FAM181A: variants seen among roughly 807,000 people sequenced by gnomAD.
FAM181A encodes protein FAM181A.
FAM181A carries 7 observed loss-of-function variants against 16.3 expected under a neutral mutation model. That is an observed-to-expected ratio of 0.43 (90% CI 0.24 to 0.81). FAM181A has a LOEUF of 0.81. Among genes scored for constraint, FAM181A ranks in the 30% least tolerant of loss-of-function variants. FAM181A has a pLI of 0.24. For missense variants in FAM181A, 349 were observed against 377.5 expected (o/e 0.92, Z 0.63); for synonymous variants, 183 against 164.9 (o/e 1.11, Z -0.84).
upstream of FAM181A, among the ~76,000 whole-genome samples, chr14:93,925,852 G>A (rs1210650771): frequency 6.6e-6 from 1 of 152,076 alleles, no homozygotes; most frequent in Non-Finnish European, 1.5e-5. Flanking sequence ...TTGCCTGTAA[G>A]GACCCTCAGG....
At chr14:93,925,494 C>T (rs1887869996), upstream of FAM181A, 3 of 790,834 alleles carry the variant, frequency 3.8e-6, no homozygotes, top group Admixed American at 2.9e-5. Flanking sequence ...GCGCTCTCTT[C>T]AGCCACGCGT....
intron 1 of FAM181A, among the ~76,000 whole-genome samples, chr14:93,920,961 A>T (rs1005711182): frequency 2.6e-5 from 4 of 152,192 alleles, no homozygotes; most frequent in Non-Finnish European, 4.4e-5. Flanking sequence ...AGGGGAGTGT[A>T]AGTGGGCTTA....
At chr14:93,927,615 T>G in intron 1 of FAM181A, 161 bp downstream of exon 1, 1 of 1,286,124 alleles carries the variant, frequency 7.8e-7, no homozygotes, top group Non-Finnish European at 1.0e-6. Context: ...CAGCCTGAGA[T>G]CAGCCCGCAA....
rs574705245 is a variant in FAM181A at position 93,928,996 on chromosome 14, C to T, written c.711C>T (p.Pro237=). Residue 237 remains proline, a synonymous_variant, in exon 2 of 2, where the codon CCC becomes CCT. Transcript: ENST00000556222. ...GGGCACTGCCTCAGAGTCCTGTCCC[C>T]AGCCTGGGCCTTTGGAGGAAGAGCC... is the stretch of plus-strand genomic sequence containing the variant. The part of the protein sequence containing the change: ...PLGALPQSPV[P]SLGLWRKSPA... 17 of 1,610,924 alleles carry T rather than the reference C, an allele frequency of 1.1e-5. No individual in the cohort carries two copies. In the African/African-American group the frequency reaches 1.5e-4, roughly 14 times the overall value.
In FAM181A at chr14:93,929,217, C is replaced by T. The variant is rs920900696; in HGVS notation, c.*53C>T. 4.0e-6 allele frequency: 6 copies of T among 1,497,578 alleles called. No homozygotes were observed. In the Admixed American group the frequency reaches 1.4e-4, roughly 34 times the overall value. 92.8% of individuals were successfully genotyped at this position (1,497,578 alleles called of 1,614,324 possible). A position where few individuals can be genotyped will look rare whatever the true frequency, so the allele number is the denominator to read the frequency against. On this transcript the variant is annotated 3_prime_UTR_variant, in exon 2 of 2. Transcript: ENST00000556222. ...CTCTGGCCTGCAGGAGTGTCGAGGT[C>T]CCCGAGGCGCTCTCCTGTGAGGAGG...
upstream of FAM181A, among the ~76,000 whole-genome samples, chr14:93,926,735 C>T (rs573410513): frequency 2.0e-5 from 3 of 152,094 alleles, no homozygotes; most frequent in African/African-American, 4.8e-5. This position sits in a 1 kb window ranked among gnomAD's most constrained non-coding sequence, Gnocchi z 5.2. Context: ...CAGGCATCAG[C>T]GCACCTCCTG....
chr14:93,927,500 G>T, intron 1 of FAM181A, 46 bp downstream of exon 1: 1 of 1,271,886 alleles, frequency 7.9e-7, no homozygotes, highest in Non-Finnish European at 1.0e-6. Flanking sequence ...GGTGGCGGGT[G>T]TGGGGGCAGG....
upstream of FAM181A, chr14:93,925,184 G>T: frequency 8.4e-7 from 1 of 1,192,762 alleles, no homozygotes; most frequent in South Asian, 1.3e-5. Context: ...TTCATGAGCG[G>T]GCAGTGCAGA....
At chr14:93,925,449 C>A, upstream of FAM181A, 2 of 1,379,866 alleles carry the variant, frequency 1.4e-6, no homozygotes, top group Non-Finnish European at 2.0e-6. Flanking sequence ...CAGTAGGCAG[C>A]AGGGAGCTGG....
rs1261070235 is a variant in FAM181A at position 93,928,854 on chromosome 14, C to T, written c.569C>T (p.Ala190Val). 5 of 1,614,068 alleles carry T rather than the reference C, an allele frequency of 3.1e-6. No homozygotes were observed. Among genetic ancestry groups the T allele is most frequent in the East Asian group, 4.5e-5 (2 of 44,870 alleles). The stretch of plus-strand genomic sequence containing the variant: ...ACCCTGGTGTCCATGTCTCCAAGGG[C>T]CCTGGCTGAAAAGGAGCCGCTCAAG... ...ETTLVSMSPR[A>V]LAEKEPLKMP... is the part of the protein sequence containing the mutation. Residue 190 changes from alanine (A) to valine (V), a missense_variant, in exon 2 of 2, where the codon GCC becomes GTC. Transcript: ENST00000556222.
upstream of FAM181A, chr14:93,926,974 G>C (rs981075072): frequency 2.0e-5 from 3 of 152,432 alleles, no homozygotes; most frequent in African/African-American, 7.3e-5. This position sits in a 1 kb window ranked among gnomAD's most constrained non-coding sequence, Gnocchi z 5.2. Flanking sequence ...GTCTTTGGGG[G>C]AGGTTTGCAA....
At chr14:93,925,755 G>A (rs188772949), upstream of FAM181A, among the ~76,000 whole-genome samples, 40 of 152,046 alleles carry the variant, frequency 2.6e-4, no homozygotes, top group African/African-American at 9.4e-4. Context: ...AGCAGGGTAG[G>A]GGCATGGAGA....
upstream of FAM181A, among the ~76,000 whole-genome samples, chr14:93,922,845 T>G (rs1887775713): frequency 6.6e-6 from 1 of 152,192 alleles, no homozygotes; most frequent in Non-Finnish European, 1.5e-5. Flanking sequence ...GATTTCAAAG[T>G]TTTATATCAT....
chr14:93,926,057 G>T (rs1163716382), upstream of FAM181A, among the ~76,000 whole-genome samples: 5 of 152,244 alleles, frequency 3.3e-5, no homozygotes, highest in East Asian at 9.7e-4. This position sits in a 1 kb window ranked among gnomAD's most constrained non-coding sequence, Gnocchi z 5.2. Context: ...AGAGGTGTGG[G>T]TTGGCGCACA....
rs1021518735 is a variant in FAM181A at position 93,929,392 on chromosome 14, A to G, written c.*228A>G. The G allele has an allele frequency of 1.2e-5, 6 of 505,494 alleles. No homozygotes were observed. Among genetic ancestry groups the G allele is most frequent in the Non-Finnish European group, 2.0e-5 (6 of 300,004 alleles). 31.3% of individuals were successfully genotyped at this position (505,494 alleles called of 1,614,324 possible). The stretch of plus-strand genomic sequence containing the variant: ...TGGTTGGCCCCTCCCCAGGCAGGCC[A>G]GGGCCCAGCAGCTTGTCCCGCTGTC... On this transcript the variant is annotated 3_prime_UTR_variant, in exon 2 of 2. Coordinates refer to ENST00000556222, the MANE Select transcript of FAM181A (RefSeq NM_001207073.2).
At chr14:93,928,158 G>T in intron 1 of FAM181A, 41 bp from the exon 2 acceptor site, 1 of 1,594,392 alleles carries the variant, frequency 6.3e-7, no homozygotes, top group South Asian at 1.1e-5. Flanking sequence ...GGCTGGGTGT[G>T]GTTGCTTGGA....
At chr14:93,918,968 CTA>C (rs1887626379) in exon 1 of FAM181A, 1 of 152,138 alleles carries the variant, frequency 6.6e-6, no homozygotes, top group South Asian at 2.1e-4. Context: ...GTGACGAGGC[CTA>C]TCAGTACTGG....
Position 93,928,749 on chromosome 14 carries a change from G to A in FAM181A, c.464G>A (p.Gly155Glu). 1 of 1,613,976 alleles carries A rather than the reference G, an allele frequency of 6.2e-7. No individual in the cohort carries two copies. Among genetic ancestry groups the A allele is most frequent in the Non-Finnish European group, 8.5e-7 (1 of 1,179,952 alleles). The change falls in exon 2 of 2, where the codon GGG (glycine) becomes GAG (glutamate). Residue 155 changes from glycine (G) to glutamate (E), a missense_variant. Coordinates refer to ENST00000556222, the MANE Select transcript of FAM181A (RefSeq NM_001207073.2). ...PTHSYHVGLE[G>E]GLGPREGPPY... ...CACAGCTACCATGTGGGGCTGGAGG[G>A]GGGACTGGGCCCCAGGGAGGGACCT...
At chr14:93,924,646 T>G (rs1887835971), upstream of FAM181A, among the ~76,000 whole-genome samples, 1 of 152,174 alleles carries the variant, frequency 6.6e-6, no homozygotes, top group Non-Finnish European at 1.5e-5. Context: ...GGTCCAACAT[T>G]GTGCTAGAAG....
Sources: allele counts gnomAD v4.1 joint callset (sites outside exome capture counted in the v4.1 genomes callset), GRCh38; gene constraint gnomAD v4.1.1; non-coding constraint Gnocchi (gnomAD v3.1); transcripts MANE v1.5; gene names NCBI Gene and HGNC (gene_info 2026-07-23, HGNC 2026-07-21).